The following PRDM5 variants were observed in gnomAD, a reference collection of about 807,000 sequenced individuals.
The protein encoded by PRDM5 is PR/SET domain 5, also known as PR domain zinc finger protein 5.
PRDM5 carries 56 observed loss-of-function variants against 81.2 expected under a neutral mutation model. That is an observed-to-expected ratio of 0.69 (90% CI 0.56 to 0.86). The LOEUF (loss-of-function observed/expected upper bound fraction) is 0.86. Ranked by LOEUF, PRDM5 falls within the 40% of genes least tolerant of loss-of-function variation. The pLI is 0.00. For missense variants in PRDM5, 697 were observed against 770.1 expected, an observed-to-expected ratio of 0.91 and a Z score of 1.12; for synonymous variants, 267 against 256.4, an observed-to-expected ratio of 1.04 and a Z score of -0.39.
In PRDM5 at chr4:120,713,669, T is replaced by C. The variant is rs188707302; in HGVS notation, c.1624-3256A>G. On this transcript the variant is annotated intron_variant, in intron 14 of 15. Transcript: ENST00000264808. The stretch of plus-strand genomic sequence containing the variant: ...AAGTTTATCCATATGTTTTATCTCC[T>C]ACTGAATAATACAGGTACTGTAGAA... Among the ~76,000 whole-genome samples, 245 of 152,362 alleles carry C rather than the reference T, an allele frequency of 1.6e-3. 1 individual carries two copies. The highest frequency in any genetic ancestry group is 6.8e-3 in the Middle Eastern group (2 of 294).
intron 11 of PRDM5, among the ~76,000 whole-genome samples, chr4:120,783,816 T>C (rs543329525): frequency 2.0e-5 from 3 of 152,180 alleles, no homozygotes; most frequent in African/African-American, 4.8e-5. Context: ...AGGAAGCAGA[T>C]TGCATTTCAT....
chr4:120,893,572 T>C (rs540992633), intron 2 of PRDM5, among the ~76,000 whole-genome samples: 85 of 152,354 alleles, frequency 5.6e-4, no homozygotes, highest in African/African-American at 1.9e-3. Context: ...GGACACAGTA[T>C]TCTGTATCTG....
Position 120,765,392 on chromosome 4 carries a change from G to A in PRDM5, c.1538-10754C>T, listed in dbSNP as rs1022024940. On this transcript the variant is annotated intron_variant, in intron 13 of 15. Coordinates refer to ENST00000264808, the MANE Select transcript of PRDM5 (RefSeq NM_018699.4). ...TTTAAAAACCCAAAAGCAGTTCCTA[G>A]AATTTCTTCCATAATTTATGAACAA... Among the ~76,000 whole-genome samples, 3 of 152,158 alleles carry A rather than the reference G, an allele frequency of 2.0e-5. No homozygotes were observed. In the East Asian group the frequency reaches 5.8e-4, roughly 29 times the overall value.
intron 15 of PRDM5, among the ~76,000 whole-genome samples, chr4:120,696,027 T>C (rs1734478049): frequency 6.6e-6 from 1 of 152,054 alleles, no homozygotes; most frequent in Non-Finnish European, 1.5e-5. Flanking sequence ...TAATTGAGGT[T>C]AGGCTTGGGA....
chr4:120,897,428 T>G (rs573312545), intron 2 of PRDM5, among the ~76,000 whole-genome samples: 62 of 152,296 alleles, frequency 4.1e-4, no homozygotes, highest in African/African-American at 1.5e-3. Context: ...TACTAAGATA[T>G]CTGTAGGTGT....
At chr4:120,757,442 T>C (rs1186889009) in intron 13 of PRDM5, among the ~76,000 whole-genome samples, 1 of 152,250 alleles carries the variant, frequency 6.6e-6, no homozygotes, top group African/African-American at 2.4e-5. Context: ...TTTATGCCTG[T>C]TATCCTAGAA....
At chr4:120,847,135 G>A (rs1366791123) in intron 3 of PRDM5, among the ~76,000 whole-genome samples, 1 of 152,032 alleles carries the variant, frequency 6.6e-6, no homozygotes, top group African/African-American at 2.4e-5. Flanking sequence ...CACTGCTGTA[G>A]CTTGAAGACA....
chr4:120,873,596 A>G (rs1327106461), intron 2 of PRDM5, among the ~76,000 whole-genome samples: 1 of 152,214 alleles, frequency 6.6e-6, no homozygotes, highest in Non-Finnish European at 1.5e-5. Flanking sequence ...AAAAGTCATT[A>G]TATCTATTGG....
chr4:120,817,634 A>G (rs1482729850), intron 5 of PRDM5, among the ~76,000 whole-genome samples: 2 of 152,216 alleles, frequency 1.3e-5, no homozygotes, highest in African/African-American at 4.8e-5. Context: ...CTTTTAAATT[A>G]CTTAAATTCA....
intron 2 of PRDM5, among the ~76,000 whole-genome samples, chr4:120,871,964 G>A (rs760415869): frequency 6.6e-6 from 1 of 151,512 alleles, no homozygotes; most frequent in African/African-American, 2.4e-5. Context: ...CAGCCTGACC[G>A]ACATGGTGAA....
At chr4:120,753,439 G>A (rs1335567623) in intron 14 of PRDM5, among the ~76,000 whole-genome samples, 5 of 152,060 alleles carry the variant, frequency 3.3e-5, no homozygotes, top group African/African-American at 4.8e-5. Context: ...TGAGAAACCT[G>A]CTATAGATTT....
In PRDM5 at chr4:120,693,071, C is replaced by T. The variant is rs1339836701; in HGVS notation, c.*2040G>A. The T allele has an allele frequency of 6.6e-6, 1 of 151,870 alleles. No homozygotes were observed. The highest frequency in any genetic ancestry group is 2.4e-5 in the African/African-American group (1 of 41,346). The allele number at this position is 151,870 out of a possible 1,614,324, so 9.4% of individuals were successfully genotyped here. ...TTCTACACCATTTTCTAAAGATTTC[C>T]ATGTCTATAAACCTTCAGCAGGATA... On this transcript the variant is annotated 3_prime_UTR_variant, in exon 16 of 16. Coordinates refer to ENST00000264808, the MANE Select transcript of PRDM5 (RefSeq NM_018699.4).
intron 14 of PRDM5, among the ~76,000 whole-genome samples, chr4:120,750,920 C>T (rs1743912952): frequency 6.6e-6 from 1 of 151,896 alleles, no homozygotes; most frequent in Admixed American, 6.6e-5. Context: ...AGGTGGGCCA[C>T]ACAGATGAAA....
chr4:120,744,067 T>A (rs921815922), intron 14 of PRDM5, among the ~76,000 whole-genome samples: 1 of 152,026 alleles, frequency 6.6e-6, no homozygotes, highest in Admixed American at 6.6e-5. Context: ...GAAGAGAAAT[T>A]ATAACAAACT....
intron 14 of PRDM5, among the ~76,000 whole-genome samples, chr4:120,721,368 A>G (rs889778040): frequency 2.6e-5 from 4 of 152,176 alleles, no homozygotes; most frequent in Admixed American, 6.5e-5. Context: ...TAGTTTGGGT[A>G]GGGACAGGCA....
chr4:120,889,552 C>A (rs1763820421), intron 2 of PRDM5, among the ~76,000 whole-genome samples: 1 of 152,012 alleles, frequency 6.6e-6, no homozygotes, highest in Admixed American at 6.6e-5. Context: ...ATAAACTTTC[C>A]AGGATTTTTA....
chr4:120,703,762 G>T (rs550461470), intron 15 of PRDM5, among the ~76,000 whole-genome samples: 3 of 152,034 alleles, frequency 2.0e-5, no homozygotes, highest in Non-Finnish European at 4.4e-5. Context: ...GGTTTCCCAG[G>T]TTCAAAGAAC....
chr4:120,796,331 G>C (rs4833178), intron 10 of PRDM5, among the ~76,000 whole-genome samples: 1 of 152,090 alleles, frequency 6.6e-6, no homozygotes, highest in Admixed American at 6.6e-5. Flanking sequence ...GAAGGATTGA[G>C]TGTTGCTTTC....
Position 120,853,619 on chromosome 4 carries a change from G to GT in PRDM5, c.178-80dup, listed in dbSNP as rs1759541188. 9 of 1,576,622 alleles carry GT rather than the reference G, an allele frequency of 5.7e-6. No homozygotes were observed. The South Asian group carries it at 1.0e-4, about 18-fold the overall frequency. ...AAACACATCAAGGTTAGGACATGACGTTTTTTCATAAGTATATACCTTTTT... is the reference window on the plus strand; with the variant it reads ...AAACACATCAAGGTTAGGACATGACGTTTTTTTCATAAGTATATACCTTTTT... On this transcript the variant is annotated intron_variant, in intron 2 of 15. Transcript: ENST00000264808.
Sources: allele counts gnomAD v4.1 joint callset (sites outside exome capture counted in the v4.1 genomes callset), GRCh38; gene constraint gnomAD v4.1.1; transcripts MANE v1.5; gene names NCBI Gene and HGNC (gene_info 2026-07-23, HGNC 2026-07-21).